SEMA3A: variants seen among roughly 807,000 people sequenced by gnomAD.
SEMA3A encodes the protein semaphorin-3A.
Under a neutral mutation model 97.9 loss-of-function variants are expected in SEMA3A, and 29 were observed. That is an observed-to-expected ratio of 0.30 (90% CI 0.22 to 0.40). The LOEUF is 0.40. Among genes scored for constraint, SEMA3A ranks in the 10% least tolerant of loss-of-function variants. The probability of loss-of-function intolerance (pLI) is 1.00; values close to 1 mark genes in which losing one functional copy is unlikely to be tolerated. For synonymous variants in SEMA3A, 321 were observed against 323.7 expected (o/e 0.99, Z 0.09); for missense variants, 763 against 951.3 (o/e 0.80, Z 2.60).
chr7:84,173,076 G>A (rs1473449977), intron 1 of SEMA3A, among the ~76,000 whole-genome samples: 1 of 152,138 alleles, frequency 6.6e-6, no homozygotes, highest in Non-Finnish European at 1.5e-5. Context: ...CATATTTTCA[G>A]AGGAAAAGTA....
intron 5 of SEMA3A, among the ~76,000 whole-genome samples, chr7:84,059,741 G>A (rs1188157247): frequency 6.6e-6 from 1 of 151,408 alleles, no homozygotes; most frequent in Non-Finnish European, 1.5e-5. Flanking sequence ...TTATGTTTTA[G>A]GTTGTTGGTA....
chr7:84,283,024 AT>A (rs36114095), intron 3 of SEMA3A, among the ~76,000 whole-genome samples: 13,948 of 151,236 alleles, frequency 0.092, 818 homozygotes, highest in South Asian at 0.18. Flanking sequence ...AAAAAAAAGC[AT>A]TTTTTTTTAA....
At chr7:84,344,688 CG>C (rs1244454078) in intron 2 of SEMA3A, among the ~76,000 whole-genome samples, 3 of 152,034 alleles carry the variant, frequency 2.0e-5, no homozygotes, top group African/African-American at 7.2e-5. Context: ...TCTACTCAGG[CG>C]TGAGAGTAGA....
At chr7:84,006,554 T>C (rs114436225) in intron 10 of SEMA3A, among the ~76,000 whole-genome samples, 1,937 of 152,076 alleles carry the variant, frequency 0.013, 16 homozygotes, top group Middle Eastern at 0.044. Flanking sequence ...TGTAAGACAA[T>C]ACAACAAAAA....
chr7:84,336,038 A>G (rs992446392), intron 2 of SEMA3A, among the ~76,000 whole-genome samples: 6 of 152,172 alleles, frequency 3.9e-5, no homozygotes, highest in Non-Finnish European at 5.9e-5. Context: ...ATTGGACAAG[A>G]CAGGTCTAGA....
chr7:84,391,324 A>T lies in SEMA3A; in HGVS notation c.-245-19424T>A, dbSNP rs376046932. ...ACCTAGTAAAATCTGAGGGAAATAC[A>T]CTAGCAACAAAATGCTAAATCTGGC... On this transcript the variant is annotated intron_variant, in intron 1 of 3. Transcript: ENST00000424555. Among the ~76,000 whole-genome samples, 136 of 152,284 alleles carry T rather than the reference A, an allele frequency of 8.9e-4. 1 individual carries two copies. Among genetic ancestry groups the T allele is most frequent in the African/African-American group, 3.0e-3 (126 of 41,574 alleles).
chr7:84,046,202 C>T lies in SEMA3A; in HGVS notation c.667+122G>A, dbSNP rs1275140378. Reference sequence around the variant, plus strand: ...TCTCACACCCACCATCATGAAGTCACCACCATTAGCTTAACTGCACAATAA... The same window carrying T: ...TCTCACACCCACCATCATGAAGTCATCACCATTAGCTTAACTGCACAATAA... On this transcript the variant is annotated intron_variant, in intron 6 of 16. Coordinates refer to ENST00000265362, the MANE Select transcript of SEMA3A (RefSeq NM_006080.3). 8.1e-6 allele frequency: 9 copies of T among 1,112,812 alleles called. No individual in the cohort carries two copies. In the Admixed American group the frequency reaches 1.5e-4, roughly 18 times the overall value. 68.9% of individuals were successfully genotyped at this position (1,112,812 alleles called of 1,614,324 possible).
At chr7:84,045,588 T>C (rs1480854507) in intron 6 of SEMA3A, among the ~76,000 whole-genome samples, 1 of 151,890 alleles carries the variant, frequency 6.6e-6, no homozygotes, top group Non-Finnish European at 1.5e-5. Flanking sequence ...GTAGTATTTA[T>C]TTATTTTAGG....
chr7:84,334,614 T>C (rs1054442753), intron 2 of SEMA3A, among the ~76,000 whole-genome samples: 4 of 151,902 alleles, frequency 2.6e-5, no homozygotes, highest in Non-Finnish European at 5.9e-5. Context: ...TCACCACCTC[T>C]GTCTTACTTC....
intron 1 of SEMA3A, among the ~76,000 whole-genome samples, chr7:84,170,586 TACA>T (rs748092668): frequency 1.3e-5 from 2 of 152,034 alleles, no homozygotes; most frequent in African/African-American, 2.4e-5. Context: ...TCAAATGGAA[TACA>T]ACAACTGAAA....
intron 11 of SEMA3A, 31 bp from the exon 12 acceptor site, chr7:84,002,077 G>A: frequency 7.9e-7 from 1 of 1,269,642 alleles, no homozygotes; most frequent in Non-Finnish European, 1.1e-6. Flanking sequence ...AAGACCACAA[G>A]TTAAGTAGAT....
At chr7:84,456,178 G>T (rs1805678711) in intron 1 of SEMA3A, among the ~76,000 whole-genome samples, 1 of 151,806 alleles carries the variant, frequency 6.6e-6, no homozygotes, top group Admixed American at 6.6e-5. Flanking sequence ...ATTAAAAAAA[G>T]AAAATATCCT....
intron 6 of SEMA3A, among the ~76,000 whole-genome samples, chr7:84,022,319 A>T (rs762233100): frequency 5.3e-5 from 8 of 152,142 alleles, no homozygotes; most frequent in Non-Finnish European, 1.2e-4. Flanking sequence ...AAAGGAAGCT[A>T]TTCTATGTCC....
Position 84,219,901 on chromosome 7 carries a change from C to T in SEMA3A, c.-82-25233G>A, listed in dbSNP as rs1041286868. Among the ~76,000 whole-genome samples, 4 of 152,138 alleles carry T rather than the reference C, an allele frequency of 2.6e-5. No individual in the cohort carries two copies. The East Asian group carries it at 5.8e-4, about 22-fold the overall frequency. ...AAGGGTCTTGACTTAATGTTGACGGCTGCTGACTGATCAGGGTGGCAGTTG... is the reference window on the plus strand; with the variant it reads ...AAGGGTCTTGACTTAATGTTGACGGTTGCTGACTGATCAGGGTGGCAGTTG... On this transcript the variant is annotated intron_variant, in intron 3 of 3. Coordinates refer to the SEMA3A transcript ENST00000424555.
intron 6 of SEMA3A, among the ~76,000 whole-genome samples, chr7:84,020,957 T>G (rs973677881): frequency 2.0e-5 from 3 of 152,178 alleles, no homozygotes; most frequent in African/African-American, 7.2e-5. Flanking sequence ...TAACACAATT[T>G]AAGACATACA....
At chr7:83,988,417 T>A (rs1451043708) in intron 12 of SEMA3A, among the ~76,000 whole-genome samples, 1 of 151,894 alleles carries the variant, frequency 6.6e-6, no homozygotes, top group Non-Finnish European at 1.5e-5. Flanking sequence ...TTAGTAGAGA[T>A]GGGGTTTCAC....
intron 12 of SEMA3A, among the ~76,000 whole-genome samples, 194 bp downstream of exon 12, chr7:84,001,756 ATTTCT>A (rs1790463405): frequency 6.6e-6 from 1 of 152,020 alleles, no homozygotes; most frequent in Non-Finnish European, 1.5e-5. Flanking sequence ...CCAAAAATAC[ATTTCT>A]TTACATCTTT....
intron 1 of SEMA3A, among the ~76,000 whole-genome samples, chr7:84,424,908 TAAA>T (rs1327553329): frequency 1.8e-4 from 11 of 60,824 alleles, no homozygotes; most frequent in Admixed American, 9.8e-4. Context: ...TATATAAACA[TAAA>T]TATATATATA....
chr7:84,325,830 A>G (rs911173389), intron 2 of SEMA3A, among the ~76,000 whole-genome samples: 3 of 152,006 alleles, frequency 2.0e-5, no homozygotes, highest in Non-Finnish European at 4.4e-5. Context: ...ATCCATCACC[A>G]CTCGTGCTGT....
Sources: allele counts gnomAD v4.1 joint callset (sites outside exome capture counted in the v4.1 genomes callset), GRCh38; gene constraint gnomAD v4.1.1; transcripts MANE v1.5; gene names NCBI Gene and HGNC (gene_info 2026-07-23, HGNC 2026-07-21).